KLF12: variants seen among roughly 807,000 people sequenced by gnomAD.
KLF12 encodes the protein KLF transcription factor 12.
KLF12 carries 9 observed loss-of-function variants against 37.8 expected under a neutral mutation model. That is an observed-to-expected ratio of 0.24 (90% CI 0.14 to 0.42). The LOEUF (loss-of-function observed/expected upper bound fraction) is 0.42. Ranked by LOEUF, KLF12 falls within the 10% of genes least tolerant of loss-of-function variation. The pLI is 1.00. For synonymous variants in KLF12, 208 were observed against 202.1 expected, an observed-to-expected ratio of 1.03 and a Z score of -0.25; for missense variants, 411 against 516.0, an observed-to-expected ratio of 0.80 and a Z score of 1.97.
Position 74,128,968 on chromosome 13 carries a change from CAT to C in KLF12, c.-32+4769_-32+4770del, listed in dbSNP as rs1173836744. On this transcript the variant is annotated intron_variant, in intron 1 of 7. Transcript: ENST00000377669. ...TAGACTACAAAAACACATGTAAAAA[CAT>C]ATAAAGATAAATACTAAATATACAC... Among the ~76,000 whole-genome samples, 10 of 151,906 alleles carry C rather than the reference CAT, an allele frequency of 6.6e-5. No individual in the cohort carries two copies. In the East Asian group the frequency reaches 1.9e-3, roughly 29 times the overall value.
At chr13:73,734,923 C>T (rs892144455) in intron 6 of KLF12, among the ~76,000 whole-genome samples, 5 of 152,072 alleles carry the variant, frequency 3.3e-5, no homozygotes, top group African/African-American at 1.2e-4. Context: ...TTATTCCACA[C>T]ACCATTCTGC....
At chr13:74,159,590 GT>G in the KLF12 span, among the ~76,000 whole-genome samples, 2 of 152,154 alleles carry the variant, frequency 1.3e-5, no homozygotes, top group African/African-American at 4.8e-5. Context: ...ATTTTTGTCT[GT>G]TTAGCACATG....
chr13:73,886,196 T>C (rs988955744), intron 3 of KLF12, among the ~76,000 whole-genome samples: 1 of 152,310 alleles, frequency 6.6e-6, no homozygotes, highest in East Asian at 1.9e-4. Context: ...ATGCCATGTA[T>C]CCTCAATGGG....
the KLF12 span, among the ~76,000 whole-genome samples, chr13:74,205,148 G>A: frequency 3.9e-5 from 6 of 152,046 alleles, no homozygotes; most frequent in Admixed American, 6.6e-5. Flanking sequence ...GGTCATCTAC[G>A]TTAGCTAGAG....
chr13:74,130,273 C>A (rs1878186558), intron 1 of KLF12, among the ~76,000 whole-genome samples: 1 of 152,176 alleles, frequency 6.6e-6, no homozygotes, highest in South Asian at 2.1e-4. Flanking sequence ...GAAAAATAAA[C>A]ACTGGGCAAA....
chr13:73,917,295 C>T (rs1888893623), intron 3 of KLF12, among the ~76,000 whole-genome samples: 2 of 152,170 alleles, frequency 1.3e-5, no homozygotes, highest in South Asian at 4.1e-4. Flanking sequence ...CAACACCTTT[C>T]CTGGTACTAC....
intron 4 of KLF12, among the ~76,000 whole-genome samples, chr13:73,832,747 A>C (rs75477933): frequency 0.03 from 4,558 of 152,292 alleles, 88 homozygotes; most frequent in African/African-American, 0.045. Flanking sequence ...CTGTGGTACA[A>C]ATAAAAGTAG....
chr13:73,911,871 C>T (rs1053010895), intron 3 of KLF12, among the ~76,000 whole-genome samples: 2 of 152,210 alleles, frequency 1.3e-5, no homozygotes, highest in African/African-American at 2.4e-5. Context: ...TTCAATAAAA[C>T]TCTGTCATGT....
In KLF12 at chr13:73,902,178, C is replaced by T. The variant is rs769509298; in HGVS notation, c.123+41803G>A. Among the ~76,000 whole-genome samples, 16 of 152,166 alleles carry T rather than the reference C, an allele frequency of 1.1e-4. No homozygotes were observed. The South Asian group carries it at 1.2e-3, about 12-fold the overall frequency. Reference sequence around the variant, plus strand: ...GACTTTTATTATCCCAAAATACATACGGTGTGTCAGAGATTAAGTAAGGAC... The same window carrying T: ...GACTTTTATTATCCCAAAATACATATGGTGTGTCAGAGATTAAGTAAGGAC... On this transcript the variant is annotated intron_variant, in intron 3 of 7. Transcript: ENST00000377669.
At chr13:74,115,706 A>C (rs1439699552) in intron 1 of KLF12, among the ~76,000 whole-genome samples, 1 of 146,904 alleles carries the variant, frequency 6.8e-6, no homozygotes, top group Non-Finnish European at 1.5e-5. Flanking sequence ...CTCTGACAAA[A>C]AAAAAAAAAA....
In KLF12 at chr13:73,737,022, C is replaced by T. The variant is rs55689351; in HGVS notation, c.870-21497G>A. 9.5e-3 allele frequency among the ~76,000 whole-genome samples: 1,440 copies of T among 152,194 alleles called. 17 individuals carry two copies. Among genetic ancestry groups the T allele is most frequent in the African/African-American group, 0.033 (1,366 of 41,530 alleles). ...ACTGTGGTTCTGATGAAAAAGAGTACGTACCAGTGGATTTCTGAGATTTCT... is the reference window on the plus strand; with the variant it reads ...ACTGTGGTTCTGATGAAAAAGAGTATGTACCAGTGGATTTCTGAGATTTCT... On this transcript the variant is annotated intron_variant, in intron 6 of 7. Transcript: ENST00000377669.
At chr13:74,162,514 T>G in the KLF12 span, among the ~76,000 whole-genome samples, 1 of 152,226 alleles carries the variant, frequency 6.6e-6, no homozygotes, top group Non-Finnish European at 1.5e-5. Flanking sequence ...ACCTGAAAAC[T>G]TGCCCATTTT....
chr13:74,204,824 A>G, the KLF12 span, among the ~76,000 whole-genome samples: 2 of 152,018 alleles, frequency 1.3e-5, no homozygotes, highest in Admixed American at 6.6e-5. Context: ...CGTATTTGGG[A>G]TTTTTGTGCT....
chr13:73,938,208 A>C (rs1176142689), intron 3 of KLF12, among the ~76,000 whole-genome samples: 3 of 152,216 alleles, frequency 2.0e-5, no homozygotes, highest in Non-Finnish European at 4.4e-5. Flanking sequence ...TCATTAAAGT[A>C]ACACTGTCTT....
chr13:73,744,661 C>T (rs780414214), intron 6 of KLF12, among the ~76,000 whole-genome samples: 3 of 152,042 alleles, frequency 2.0e-5, no homozygotes, highest in Non-Finnish European at 4.4e-5. Context: ...GCTTCAGGAG[C>T]AGGTAGGTAG....
chr13:73,877,310 G>A lies in KLF12; in HGVS notation c.124-30937C>T, dbSNP rs117666641. Among the ~76,000 whole-genome samples, 1,453 of 152,152 alleles carry A rather than the reference G, an allele frequency of 9.5e-3. 24 individuals are homozygous for A. Among genetic ancestry groups the A allele is most frequent in the East Asian group, 0.047 (241 of 5,180 alleles). On this transcript the variant is annotated intron_variant, in intron 3 of 7. Transcript: ENST00000377669. ...AGTATTTTAAGAAGAAAATGTGCAC[G>A]CTTTTATAAAATGCCTTTTTTTAGT...
At chr13:74,285,848 A>T in the KLF12 span, among the ~76,000 whole-genome samples, 2 of 152,350 alleles carry the variant, frequency 1.3e-5, no homozygotes, top group South Asian at 2.1e-4. Flanking sequence ...TAAAAGAGGT[A>T]TAAGCATTTT....
the KLF12 span, among the ~76,000 whole-genome samples, chr13:74,250,575 A>G: frequency 3.3e-5 from 5 of 152,294 alleles, no homozygotes; most frequent in Non-Finnish European, 1.5e-5. Context: ...GGCCAGAGCT[A>G]GGCTTCTTGG....
rs1368738005 is a variant in KLF12 at position 73,692,744 on chromosome 13, C to T, written c.*2746G>A. ...ACAAGCCCCAAAGAAGTTTCAGTTC[C>T]TGAGGCTAGACCAGGGACTCAATTC... On this transcript the variant is annotated 3_prime_UTR_variant, in exon 8 of 8. Coordinates refer to ENST00000377669, the MANE Select transcript of KLF12 (RefSeq NM_007249.5). The T allele has an allele frequency of 1.3e-5, 2 of 152,644 alleles. No individual in the cohort carries two copies. The highest frequency in any genetic ancestry group is 2.9e-5 in the Non-Finnish European group (2 of 68,052). The allele number at this position is 152,644 out of a possible 1,614,324, so 9.5% of individuals were successfully genotyped here.
Sources: allele counts gnomAD v4.1 joint callset (sites outside exome capture counted in the v4.1 genomes callset), GRCh38; gene constraint gnomAD v4.1.1; transcripts MANE v1.5; gene names NCBI Gene and HGNC (gene_info 2026-07-23, HGNC 2026-07-21).